Variants in PTPRD observed in about 807,000 individuals in gnomAD.
PTPRD encodes protein tyrosine phosphatase receptor type D.
In PTPRD, 34 loss-of-function variants were observed where a neutral mutation model predicts 214.5. That is an observed-to-expected ratio of 0.16 (90% CI 0.12 to 0.21). The LOEUF (loss-of-function observed/expected upper bound fraction) is 0.21, where lower values mean the gene tolerates loss of function less well. Ranked by LOEUF, PTPRD falls within the 10% of genes least tolerant of loss-of-function variation. PTPRD has a pLI of 1.00. For synonymous variants in PTPRD, 1,128 were observed against 845.7 expected, an observed-to-expected ratio of 1.33 and a Z score of -5.79; for missense variants, 2,545 against 2,398.7, an observed-to-expected ratio of 1.06 and a Z score of -1.27.
At chr9:9,648,608 AT>A (rs1391045106) in intron 7 of PTPRD, among the ~76,000 whole-genome samples, 2 of 152,110 alleles carry the variant, frequency 1.3e-5, no homozygotes, top group African/African-American at 4.8e-5. Flanking sequence ...GTGGTGATAT[AT>A]TTAGCAAACA....
intron 14 of PTPRD, among the ~76,000 whole-genome samples, chr9:8,589,954 A>G (rs1242798721): frequency 6.6e-6 from 1 of 152,118 alleles, no homozygotes; most frequent in Non-Finnish European, 1.5e-5. Context: ...AATAACAGAA[A>G]TTGCTTGCGT....
Position 8,528,469 on chromosome 9 carries a change from G to C in PTPRD, c.541+122C>G, listed in dbSNP as rs770061344. The C allele has an allele frequency of 4.6e-6, 4 of 872,422 alleles. No individual in the cohort carries two copies. The East Asian group carries it at 1.1e-4, about 23-fold the overall frequency. 54.0% of individuals were successfully genotyped at this position (872,422 alleles called of 1,614,324 possible). Reference sequence around the variant, plus strand: ...GACCACCCATTAAGTAACAGAGAAAGAGAAGAGGGAGAAAAATCAGTACCT... The same window carrying C: ...GACCACCCATTAAGTAACAGAGAAACAGAAGAGGGAGAAAAATCAGTACCT... On this transcript the variant is annotated intron_variant, in intron 15 of 45. Coordinates refer to ENST00000381196, the MANE Select transcript of PTPRD (RefSeq NM_002839.4).
chr9:8,495,987 C>T (rs1195189094), intron 26 of PTPRD, among the ~76,000 whole-genome samples: 1 of 152,040 alleles, frequency 6.6e-6, no homozygotes, highest in Non-Finnish European at 1.5e-5. Flanking sequence ...CTGGTTTTCC[C>T]AGTATTATAT....
At chr9:8,596,873 G>A (rs2094504425) in intron 14 of PTPRD, among the ~76,000 whole-genome samples, 1 of 152,028 alleles carries the variant, frequency 6.6e-6, no homozygotes, top group East Asian at 1.9e-4. Flanking sequence ...AGGTGCTATG[G>A]TTGGACTCCA....
At chr9:9,495,124 G>A (rs1045808412) in intron 8 of PTPRD, among the ~76,000 whole-genome samples, 1 of 151,984 alleles carries the variant, frequency 6.6e-6, no homozygotes, top group Non-Finnish European at 1.5e-5. Context: ...GCGAAACAAT[G>A]AACTTAGACC....
chr9:8,891,607 TACTAGGAAAGCCAC>T (rs2098540706), intron 11 of PTPRD, among the ~76,000 whole-genome samples: 1 of 152,148 alleles, frequency 6.6e-6, no homozygotes, highest in Admixed American at 6.5e-5. Context: ...AATTTCTTCT[TACTAGGAAAGCCAC>T]ACAATGGCCT....
At chr9:9,168,256 C>T (rs552118753) in intron 10 of PTPRD, among the ~76,000 whole-genome samples, 1 of 152,296 alleles carries the variant, frequency 6.6e-6, no homozygotes, top group African/African-American at 2.4e-5. Context: ...TTCTTCTAGA[C>T]AGTTTAGATT....
At chr9:10,402,332 G>T (rs1301075235) in intron 2 of PTPRD, among the ~76,000 whole-genome samples, 1 of 151,626 alleles carries the variant, frequency 6.6e-6, no homozygotes, top group Non-Finnish European at 1.5e-5. Context: ...ATTCTGAAGG[G>T]AATCATATTC....
At chr9:8,575,003 G>C (rs1364958221) in intron 14 of PTPRD, among the ~76,000 whole-genome samples, 1 of 152,058 alleles carries the variant, frequency 6.6e-6, no homozygotes, top group Non-Finnish European at 1.5e-5. Flanking sequence ...AAAGGCACAA[G>C]ATAATTTGGT....
chr9:9,698,824 G>T (rs936275543), intron 7 of PTPRD, among the ~76,000 whole-genome samples: 3 of 152,138 alleles, frequency 2.0e-5, no homozygotes, highest in African/African-American at 7.2e-5. Context: ...TTGAGAAAGG[G>T]CATCACAGAT....
At chr9:10,494,465 G>A (rs922727223) in intron 2 of PTPRD, among the ~76,000 whole-genome samples, 2 of 151,616 alleles carry the variant, frequency 1.3e-5, no homozygotes, top group African/African-American at 4.8e-5. Context: ...TTGGAATTAT[G>A]CCTAGATGCT....
chr9:10,286,556 C>G (rs955982425), intron 3 of PTPRD, among the ~76,000 whole-genome samples: 1 of 152,064 alleles, frequency 6.6e-6, no homozygotes, highest in African/African-American at 2.4e-5. Context: ...ACTATTGAAG[C>G]CAATGGTATT....
chr9:9,788,032 C>CA (rs2098938616), intron 5 of PTPRD, among the ~76,000 whole-genome samples: 2 of 151,514 alleles, frequency 1.3e-5, no homozygotes, highest in African/African-American at 4.8e-5. Flanking sequence ...ATCCACCCCA[C>CA]CTCGGCCTCC....
Position 10,126,822 on chromosome 9 carries a change from G to C in PTPRD, c.-544-93032C>G, listed in dbSNP as rs547146963. On this transcript the variant is annotated intron_variant, in intron 3 of 45. Transcript: ENST00000381196. ...GGTTGTTCCACTGTTCAAGCTTGAC[G>C]AAACTGTACAAACAATGTGATTCAT... is the stretch of plus-strand genomic sequence containing the variant. 3.9e-5 allele frequency among the ~76,000 whole-genome samples: 6 copies of C among 152,098 alleles called. No individual in the cohort carries two copies. The East Asian group carries it at 9.7e-4, about 25-fold the overall frequency.
At chr9:9,149,546 G>A (rs10977530) in intron 10 of PTPRD, among the ~76,000 whole-genome samples, 17,778 of 152,120 alleles carry the variant, frequency 0.12, 1,245 homozygotes, top group South Asian at 0.25. Flanking sequence ...CAAAGTTCAC[G>A]GGTTCCCTGG....
chr9:8,702,263 A>AC (rs1437574849), intron 12 of PTPRD, among the ~76,000 whole-genome samples: 1 of 151,928 alleles, frequency 6.6e-6, no homozygotes, highest in East Asian at 1.9e-4. Context: ...GTAAAGTAAA[A>AC]AAAAAAAAAA....
chr9:9,780,172 T>A (rs899704148), intron 5 of PTPRD, among the ~76,000 whole-genome samples: 1 of 152,098 alleles, frequency 6.6e-6, no homozygotes, highest in African/African-American at 2.4e-5. Flanking sequence ...AGCCAAATAT[T>A]GCGTATTCTC....
At chr9:10,504,115 C>CAAAA (rs71332747) in intron 2 of PTPRD, among the ~76,000 whole-genome samples, 7,907 of 26,818 alleles carry the variant, frequency 0.29, 2,957 homozygotes, top group Admixed American at 0.46. Flanking sequence ...GACTCTGTCT[C>CAAAA]AAAAAAAAAA....
At chr9:9,486,182 A>T (rs958516593) in intron 8 of PTPRD, among the ~76,000 whole-genome samples, 1 of 135,882 alleles carries the variant, frequency 7.4e-6, no homozygotes, top group Non-Finnish European at 1.6e-5. Flanking sequence ...AAAAAAAAAA[A>T]AAAGCCTTCC....
Sources: gnomAD v4.1 joint callset for allele counts (sites outside exome capture counted in the v4.1 genomes callset) on GRCh38, gnomAD v4.1.1 for gene constraint, MANE v1.5 for transcripts, NCBI Gene and HGNC (gene_info 2026-07-23, HGNC 2026-07-21) for gene names.